Variants in TCF4 observed in about 807,000 individuals in gnomAD.
The protein encoded by TCF4 is SL3-3 enhancer factor 2.
A neutral mutation model predicts 82.1 loss-of-function variants in TCF4; 3 were observed. The ratio of observed to expected loss-of-function variants is 0.04; its 90% CI spans 0.02 to 0.09. The LOEUF is 0.09. Among genes scored for constraint, TCF4 ranks in the 10% least tolerant of loss-of-function variants. TCF4 has a pLI of 1.00. For missense variants in TCF4, 518 were observed against 852.7 expected, an observed-to-expected ratio of 0.61 and a Z score of 4.89; for synonymous variants, 276 against 309.6, an observed-to-expected ratio of 0.89 and a Z score of 1.14.
intron 6 of TCF4, among the ~76,000 whole-genome samples, chr18:55,399,842 T>C (rs1172218238): frequency 1.3e-5 from 2 of 149,116 alleles, no homozygotes; most frequent in African/African-American, 2.5e-5. Context: ...TCTCTCTCTC[T>C]CTCTCTCCCC....
chr18:55,326,665 T>C (rs1376748530), intron 8 of TCF4, among the ~76,000 whole-genome samples: 3 of 152,100 alleles, frequency 2.0e-5, no homozygotes, highest in Non-Finnish European at 4.4e-5. Flanking sequence ...GAATAGTAAA[T>C]GTTGCCAAGC....
chr18:55,580,323 CT>C (rs1412586361), intron 3 of TCF4, among the ~76,000 whole-genome samples: 1 of 151,884 alleles, frequency 6.6e-6, no homozygotes, highest in Non-Finnish European at 1.5e-5. Context: ...AACTGCAAAA[CT>C]TTTTTATATT....
chr18:55,228,778 G>T, intron 18 of TCF4, 69 bp downstream of exon 18: 1 of 1,508,392 alleles, frequency 6.6e-7, no homozygotes, highest in Non-Finnish European at 9.2e-7. Context: ...CAAGACTGGC[G>T]TGCCCATCTC....
chr18:55,354,209 C>T (rs1388276635), intron 6 of TCF4, among the ~76,000 whole-genome samples: 2 of 152,146 alleles, frequency 1.3e-5, no homozygotes, highest in African/African-American at 4.8e-5. Context: ...CTTTATCAAC[C>T]AGGTTGGAAT....
intron 8 of TCF4, chr18:55,322,421 G>GGAA: frequency 1.5e-6 from 1 of 684,532 alleles, no homozygotes; most frequent in Non-Finnish European, 1.7e-6. Context: ...GAAAGGGGAG[G>GGAA]GAAGAAAAAA....
At chr18:55,530,750 A>C (rs2047836039) in intron 3 of TCF4, among the ~76,000 whole-genome samples, 1 of 152,188 alleles carries the variant, frequency 6.6e-6, no homozygotes, top group Non-Finnish European at 1.5e-5. Context: ...ACAGTGTTCA[A>C]AATTAACAGC....
chr18:55,451,911 C>T (rs750766913), intron 5 of TCF4, among the ~76,000 whole-genome samples: 3 of 152,070 alleles, frequency 2.0e-5, no homozygotes, highest in South Asian at 2.1e-4. Flanking sequence ...GAGGCTAAAG[C>T]GGGAGGATCA....
chr18:55,507,557 C>T (rs532788329), intron 3 of TCF4, among the ~76,000 whole-genome samples: 18 of 148,772 alleles, frequency 1.2e-4, no homozygotes, highest in Middle Eastern at 3.5e-3. Flanking sequence ...ATAAGGGGGG[C>T]GGGGGGACTA....
chr18:55,627,286 G>T (rs889833625), intron 2 of TCF4, among the ~76,000 whole-genome samples: 1 of 152,166 alleles, frequency 6.6e-6, no homozygotes, highest in Admixed American at 6.5e-5. Flanking sequence ...GCTAGATATT[G>T]TGTGGAGTGA....
At chr18:55,312,468 C>G (rs752124338) in intron 8 of TCF4, among the ~76,000 whole-genome samples, 34 of 152,074 alleles carry the variant, frequency 2.2e-4, no homozygotes, top group Non-Finnish European at 3.4e-4. Flanking sequence ...ACCATAAAAC[C>G]AAAACTTCCT....
At chr18:55,604,573 G>T (rs1385841883) in intron 2 of TCF4, among the ~76,000 whole-genome samples, 1 of 152,216 alleles carries the variant, frequency 6.6e-6, no homozygotes, top group Non-Finnish European at 1.5e-5. Context: ...AGAGTGAAAT[G>T]TTGCAGGGAT....
At chr18:55,610,455 T>C (rs1402571639) in intron 2 of TCF4, among the ~76,000 whole-genome samples, 1 of 152,196 alleles carries the variant, frequency 6.6e-6, no homozygotes, top group East Asian at 1.9e-4. Context: ...TGCACTCAGT[T>C]TGGAGTAGAC....
chr18:55,390,785 T>C (rs975776518), intron 6 of TCF4, among the ~76,000 whole-genome samples: 1 of 152,212 alleles, frequency 6.6e-6, no homozygotes, highest in African/African-American at 2.4e-5. Context: ...CAAAAACTGA[T>C]AGGGTGTGTG....
chr18:55,320,263 C>T (rs576006240), intron 8 of TCF4, among the ~76,000 whole-genome samples: 1 of 151,750 alleles, frequency 6.6e-6, no homozygotes, highest in South Asian at 2.1e-4. Flanking sequence ...CAAATCACAA[C>T]GAAAACCATT....
chr18:55,290,796 C>T (rs1257501633), intron 8 of TCF4, among the ~76,000 whole-genome samples: 3 of 151,806 alleles, frequency 2.0e-5, no homozygotes, highest in East Asian at 1.9e-4. Context: ...TTTGAAGAGT[C>T]GACATTCAAG....
Position 55,510,543 on chromosome 18 carries a change from G to C in TCF4, c.146-46406C>G, listed in dbSNP as rs9964328. ...GATAGATCAAACATTTTAATCAAGA[G>C]TAAGCTTTTAAAATACAAGTTACAT... On this transcript the variant is annotated intron_variant, in intron 3 of 19. Transcript: ENST00000354452. The C allele has an allele frequency of 0.35, 498,102 of 1,418,266 alleles. 88,846 individuals are homozygous for C. Among genetic ancestry groups the C allele is most frequent in the East Asian group, 0.47 (18,235 of 39,040 alleles). 87.9% of individuals were successfully genotyped at this position (1,418,266 alleles called of 1,614,324 possible).
At chr18:55,299,213 C>A (rs755493895) in intron 8 of TCF4, among the ~76,000 whole-genome samples, 1 of 152,064 alleles carries the variant, frequency 6.6e-6, no homozygotes, top group Non-Finnish European at 1.5e-5. Context: ...GAGTTTGAAA[C>A]CAGCCTGGCC....
At chr18:55,375,343 A>T (rs1426589050) in intron 6 of TCF4, among the ~76,000 whole-genome samples, 1 of 152,162 alleles carries the variant, frequency 6.6e-6, no homozygotes, top group East Asian at 1.9e-4. Flanking sequence ...TACTATATAC[A>T]TATATCTCTT....
intron 3 of TCF4, chr18:55,510,581 C>G: frequency 6.6e-7 from 1 of 1,505,296 alleles, no homozygotes; most frequent in Non-Finnish European, 8.9e-7. Context: ...ATATTTACCT[C>G]TGCTGTCCTC....
Sources: allele counts gnomAD v4.1 joint callset (sites outside exome capture counted in the v4.1 genomes callset), GRCh38; gene constraint gnomAD v4.1.1; transcripts MANE v1.5; gene names NCBI Gene and HGNC (gene_info 2026-07-23, HGNC 2026-07-21).